Variants in SLC35F2 observed in about 807,000 individuals in gnomAD.
The protein encoded by SLC35F2 is solute carrier family 35 member F2.
Under a neutral mutation model 38.1 loss-of-function variants are expected in SLC35F2, and 25 were observed. That is an observed-to-expected ratio of 0.66 (90% CI 0.48 to 0.92). The LOEUF (loss-of-function observed/expected upper bound fraction) is 0.92, where lower values mean the gene tolerates loss of function less well. SLC35F2 is among the 40% of genes least tolerant of loss of function. SLC35F2 has a pLI of 0.00. For missense variants in SLC35F2, 409 were observed against 452.9 expected, an observed-to-expected ratio of 0.90 and a Z score of 0.88; for synonymous variants, 173 against 181.7, an observed-to-expected ratio of 0.95 and a Z score of 0.38.
intron 1 of SLC35F2, among the ~76,000 whole-genome samples, chr11:107,842,114 A>G (rs966728714): frequency 6.6e-6 from 1 of 151,040 alleles, no homozygotes; most frequent in African/African-American, 2.4e-5. Flanking sequence ...TAAAAATACA[A>G]AAATTAGCTG....
intron 3 of SLC35F2, chr11:107,811,253 G>A (rs1859474639): frequency 2.0e-6 from 2 of 985,154 alleles, no homozygotes. Flanking sequence ...TCCCAAAAAT[G>A]TCTACTGGGT....
chr11:107,806,423 T>C (rs1465298374), intron 4 of SLC35F2, among the ~76,000 whole-genome samples: 1 of 152,262 alleles, frequency 6.6e-6, no homozygotes, highest in Non-Finnish European at 1.5e-5. Context: ...GACACTTAAC[T>C]CACTTGTAGA....
intron 1 of SLC35F2, among the ~76,000 whole-genome samples, chr11:107,833,212 A>T (rs1050937597): frequency 1.3e-5 from 2 of 152,102 alleles, no homozygotes; most frequent in African/African-American, 4.8e-5. Flanking sequence ...GTTGCAGATG[A>T]AGAAACTGAA....
intron 1 of SLC35F2, among the ~76,000 whole-genome samples, chr11:107,828,781 T>C (rs1417008663): frequency 6.6e-6 from 1 of 152,092 alleles, no homozygotes; most frequent in African/African-American, 2.4e-5. Flanking sequence ...CTGCTATGAT[T>C]TGAATATCTG....
chr11:107,846,576 A>C (rs1175006661), intron 1 of SLC35F2, among the ~76,000 whole-genome samples: 1 of 152,226 alleles, frequency 6.6e-6, no homozygotes, highest in Non-Finnish European at 1.5e-5. Context: ...AAAATTATAA[A>C]TAAATGAATT....
intron 7 of SLC35F2, among the ~76,000 whole-genome samples, chr11:107,796,888 G>T (rs1591183177): frequency 1.3e-5 from 2 of 152,252 alleles, no homozygotes; most frequent in East Asian, 3.9e-4. Flanking sequence ...GCCCAGGCTG[G>T]TCTCAAACTC....
chr11:107,856,445 A>G (rs1422908997), intron 1 of SLC35F2, among the ~76,000 whole-genome samples: 6 of 152,100 alleles, frequency 3.9e-5, no homozygotes, highest in Admixed American at 3.9e-4. Context: ...CTGTAATCCC[A>G]CTACTTTGGG....
At chr11:107,846,798 C>T (rs1262647465) in intron 1 of SLC35F2, among the ~76,000 whole-genome samples, 5 of 151,864 alleles carry the variant, frequency 3.3e-5, no homozygotes, top group Non-Finnish European at 4.4e-5. Context: ...GGCATGGTGG[C>T]GGGCGCCTGT....
At position 107,798,249 on chromosome 11, in the gene SLC35F2, T is replaced by C. The variant is rs576886475; in HGVS notation, c.939+4752A>G. Among the ~76,000 whole-genome samples, 38 of 152,220 alleles carry C rather than the reference T, an allele frequency of 2.5e-4. 1 individual carries two copies. Among genetic ancestry groups the C allele is most frequent in the South Asian group, 1.0e-3 (5 of 4,826 alleles). ...AAACTCCTGAACTAAAGTGACCCAC[T>C]CACCTCAGTCTCCCAAAGTGCTGGG... On this transcript the variant is annotated intron_variant, in intron 7 of 7. Transcript: ENST00000525815.
At chr11:107,805,241 A>T (rs1859373209) in intron 5 of SLC35F2, 118 bp downstream of exon 5, 1 of 1,382,508 alleles carries the variant, frequency 7.2e-7, no homozygotes, top group African/African-American at 1.5e-5. Context: ...TTACTCTTGC[A>T]TCCACCTAAT....
At chr11:107,839,348 C>T (rs1223816016) in intron 1 of SLC35F2, among the ~76,000 whole-genome samples, 2 of 152,154 alleles carry the variant, frequency 1.3e-5, no homozygotes, top group Non-Finnish European at 2.9e-5. Context: ...GTAATCCCAG[C>T]TACTCAAGAG....
chr11:107,821,374 T>C (rs1210012159), intron 1 of SLC35F2: 1 of 976,816 alleles, frequency 1.0e-6, no homozygotes, highest in Admixed American at 6.2e-5. Context: ...AGATTTAAAG[T>C]TACAGGAATG....
At chr11:107,852,550 CAAA>C (rs550992360) in intron 1 of SLC35F2, among the ~76,000 whole-genome samples, 11 of 58,450 alleles carry the variant, frequency 1.9e-4, no homozygotes, top group Admixed American at 5.2e-4. Context: ...GACTCCACCT[CAAA>C]AAAAAAAAAA....
In SLC35F2 at chr11:107,837,326, T is replaced by C. The variant is rs552734715; in HGVS notation, c.110+21332A>G. 1.8e-4 allele frequency among the ~76,000 whole-genome samples: 27 copies of C among 152,214 alleles called. No individual in the cohort carries two copies. In the South Asian group the frequency reaches 5.6e-3, roughly 32 times the overall value. The stretch of plus-strand genomic sequence containing the variant: ...TAACCAAGTTTATGTGCCAAATAAA[T>C]AGCAGCACTAGATTAAAATCCAAAT... On this transcript the variant is annotated intron_variant, in intron 1 of 7. Coordinates refer to ENST00000525815, the MANE Select transcript of SLC35F2 (RefSeq NM_017515.5).
chr11:107,844,423 T>A (rs1192596623), intron 1 of SLC35F2, among the ~76,000 whole-genome samples: 4 of 148,506 alleles, frequency 2.7e-5, no homozygotes, highest in Middle Eastern at 3.8e-3. Context: ...AGGTCAGGAG[T>A]TTGAGATCAG....
At chr11:107,849,170 G>A (rs933382704) in intron 1 of SLC35F2, among the ~76,000 whole-genome samples, 1 of 152,078 alleles carries the variant, frequency 6.6e-6, no homozygotes, top group East Asian at 1.9e-4. Flanking sequence ...TAGGGTGCCT[G>A]ATACACAGCG....
chr11:107,815,850 T>C lies in SLC35F2; in HGVS notation c.226A>G (p.Ser76Gly). ...AACAGCAAGCAATAATTGATAAAGCTCTGAAGCATGGGGGTGTTCACTTTG... is the reference window on the plus strand; with the variant it reads ...AACAGCAAGCAATAATTGATAAAGCCCTGAAGCATGGGGGTGTTCACTTTG... ...RYKVNTPMLQ[S>G]FINYCLLFLI... The change falls in exon 2 of 8, where the codon AGC becomes GGC. Residue 76 changes from serine to glycine, a missense_variant. Physicochemically the swap from Ser to Gly is moderately conservative, Grantham distance 56 (BLOSUM62 0). Coordinates refer to ENST00000525815, the MANE Select transcript of SLC35F2 (RefSeq NM_017515.5). 1.2e-6 allele frequency: 2 copies of C among 1,614,034 alleles called. No individual in the cohort carries two copies. Among genetic ancestry groups the C allele is most frequent in the Non-Finnish European group, 1.7e-6 (2 of 1,179,996 alleles).
At chr11:107,811,352 A>G (rs1859476060) in intron 3 of SLC35F2, 2 of 566,278 alleles carry the variant, frequency 3.5e-6, no homozygotes, top group South Asian at 7.8e-5. Context: ...TTCATATGCC[A>G]TGTTTGAGCA....
chr11:107,852,394 A>G (rs1477974743), intron 1 of SLC35F2, among the ~76,000 whole-genome samples: 2 of 152,156 alleles, frequency 1.3e-5, no homozygotes, highest in Non-Finnish European at 2.9e-5. Flanking sequence ...TACTAAAAAT[A>G]CAAAAAATTA....
Sources: allele counts gnomAD v4.1 joint callset (sites outside exome capture counted in the v4.1 genomes callset), GRCh38; gene constraint gnomAD v4.1.1; transcripts MANE v1.5; gene names NCBI Gene and HGNC (gene_info 2026-07-23, HGNC 2026-07-21).